PHF21B: variants seen among roughly 807,000 people sequenced by gnomAD.
The protein encoded by PHF21B is PHD finger protein 21B, also known as PHD finger protein 4.
Under a neutral mutation model 62.2 loss-of-function variants are expected in PHF21B, and 22 were observed. That is an observed-to-expected ratio of 0.35 (90% CI 0.25 to 0.51). PHF21B has a LOEUF of 0.51. Ranked by LOEUF, PHF21B falls within the 20% of genes least tolerant of loss-of-function variation. The pLI is 0.97. For synonymous variants in PHF21B, 341 were observed against 314.7 expected (o/e 1.08, Z -0.88); for missense variants, 701 against 707.9 (o/e 0.99, Z 0.11).
chr22:44,995,350 A>G (rs906954757), intron 2 of PHF21B, among the ~76,000 whole-genome samples: 7 of 152,092 alleles, frequency 4.6e-5, no homozygotes, highest in Non-Finnish European at 7.4e-5. Context: ...ATTCAAGTCC[A>G]CTCAGCAGAA....
At chr22:44,893,623 C>A in intron 6 of PHF21B, 90 bp from the exon 7 acceptor site, 1 of 1,271,806 alleles carries the variant, frequency 7.9e-7, no homozygotes, top group Non-Finnish European at 1.1e-6. Context: ...ACCACCATCC[C>A]CTCCTGCTCT....
At chr22:44,886,030 G>C in intron 10 of PHF21B, 92 bp from the exon 11 acceptor site, 5 of 1,229,854 alleles carry the variant, frequency 4.1e-6, no homozygotes, top group Non-Finnish European at 5.8e-6. Flanking sequence ...GAGGGGGCAC[G>C]CCCTGTCTGA....
In PHF21B at chr22:44,883,871, TAGAGAGGATTAAATG is replaced by T. The variant is rs554428711; in HGVS notation, c.1378-582_1378-568del. On this transcript the variant is annotated intron_variant, in intron 12 of 12. Coordinates refer to ENST00000313237, the MANE Select transcript of PHF21B (RefSeq NM_138415.5). Reference sequence around the variant, plus strand: ...ATCACAAAGCCTCTTCACAGCATTATAGAGAGGATTAAATGAGACACTGCATTTAAAGAGCTTCCC... The same window carrying T: ...ATCACAAAGCCTCTTCACAGCATTATAGACACTGCATTTAAAGAGCTTCCC... Among the ~76,000 whole-genome samples, 191 of 152,238 alleles carry T rather than the reference TAGAGAGGATTAAATG, an allele frequency of 1.3e-3. 1 individual carries two copies. The highest frequency in any genetic ancestry group is 4.5e-3 in the African/African-American group (185 of 41,536).
intron 2 of PHF21B, among the ~76,000 whole-genome samples, chr22:44,924,141 A>G (rs1032705342): frequency 2.0e-5 from 3 of 151,964 alleles, no homozygotes; most frequent in Non-Finnish European, 4.4e-5. Flanking sequence ...AACAACAACA[A>G]AAACAACTAC....
At chr22:44,914,532 T>C (rs2071401907) in intron 4 of PHF21B, among the ~76,000 whole-genome samples, 1 of 152,260 alleles carries the variant, frequency 6.6e-6, no homozygotes, top group African/African-American at 2.4e-5. Context: ...GACTTGCTCC[T>C]GGCCTGAGGC....
chr22:44,953,186 G>C (rs1359880000), intron 2 of PHF21B, among the ~76,000 whole-genome samples: 1 of 152,200 alleles, frequency 6.6e-6, no homozygotes, highest in Non-Finnish European at 1.5e-5. Flanking sequence ...GAGGCCCGCA[G>C]CTGGGGCAGA....
At chr22:44,963,674 C>T (rs541450215) in intron 2 of PHF21B, among the ~76,000 whole-genome samples, 1 of 152,300 alleles carries the variant, frequency 6.6e-6, no homozygotes, top group South Asian at 2.1e-4. Context: ...CCTGGCTGTA[C>T]GCTCCCAGGG....
At chr22:44,932,410 T>C (rs2071760444) in intron 2 of PHF21B, among the ~76,000 whole-genome samples, 1 of 152,162 alleles carries the variant, frequency 6.6e-6, no homozygotes, top group Admixed American at 6.5e-5. Flanking sequence ...ACCCCCAACC[T>C]GGGCCCTTGG....
At chr22:44,886,036 T>TGGGATAGTCCATC in intron 10 of PHF21B, 98 bp from the exon 11 acceptor site, 1 of 1,142,032 alleles carries the variant, frequency 8.8e-7, no homozygotes, top group Non-Finnish European at 1.3e-6. Context: ...GCACGCCCTG[T>TGGGATAGTCCATC]CTGAGCCACA....
chr22:44,946,115 G>A (rs2072064102), intron 2 of PHF21B, among the ~76,000 whole-genome samples: 2 of 152,188 alleles, frequency 1.3e-5, no homozygotes, highest in Admixed American at 6.5e-5. Context: ...GGGAAGCATG[G>A]GGGCTGGGAG....
chr22:44,914,476 T>C (rs1219011348), intron 4 of PHF21B, among the ~76,000 whole-genome samples: 1 of 152,142 alleles, frequency 6.6e-6, no homozygotes, highest in African/African-American at 2.4e-5. Context: ...GGCGAGGACT[T>C]CTCATCCCAG....
At chr22:44,996,570 G>C (rs2073125870) in intron 2 of PHF21B, among the ~76,000 whole-genome samples, 1 of 151,772 alleles carries the variant, frequency 6.6e-6, no homozygotes, top group African/African-American at 2.4e-5. Context: ...CAAAGGCTGA[G>C]GTCAGTCACA....
intron 2 of PHF21B, chr22:45,003,062 G>C (rs766416125): frequency 6.6e-6 from 1 of 152,240 alleles, no homozygotes; most frequent in Non-Finnish European, 1.5e-5. Context: ...GAAGTTCCTT[G>C]AAACTGTTCT....
chr22:45,008,270 T>C (rs893421795), intron 2 of PHF21B: 18 of 311,202 alleles, frequency 5.8e-5, no homozygotes, highest in African/African-American at 2.4e-4. Flanking sequence ...TCCAAAAACA[T>C]GTCCACCACC....
At chr22:44,990,356 C>T (rs1250805185) in intron 2 of PHF21B, among the ~76,000 whole-genome samples, 2 of 152,220 alleles carry the variant, frequency 1.3e-5, no homozygotes, top group Non-Finnish European at 2.9e-5. Flanking sequence ...AACATATTTG[C>T]ACACCCATGT....
intron 5 of PHF21B, among the ~76,000 whole-genome samples, chr22:44,903,107 T>C (rs2071190042): frequency 6.6e-6 from 1 of 152,180 alleles, no homozygotes; most frequent in South Asian, 2.1e-4. Flanking sequence ...CCAGGAGACA[T>C]ATTTTGCCTG....
chr22:44,903,487 G>A (rs1299842017), intron 5 of PHF21B, among the ~76,000 whole-genome samples: 1 of 151,698 alleles, frequency 6.6e-6, no homozygotes, highest in East Asian at 1.9e-4. Context: ...AAAAATTCTT[G>A]TTGCTATTAG....
At chr22:44,959,731 G>A (rs145423485) in intron 2 of PHF21B, among the ~76,000 whole-genome samples, 4 of 152,190 alleles carry the variant, frequency 2.6e-5, no homozygotes, top group Non-Finnish European at 5.9e-5. Context: ...TGGAGGAGCT[G>A]ATCACTGAAA....
chr22:44,919,298 G>A (rs1456043145), intron 3 of PHF21B, among the ~76,000 whole-genome samples: 5 of 152,186 alleles, frequency 3.3e-5, no homozygotes, highest in East Asian at 1.9e-4. Context: ...GGCTGCATGC[G>A]GCCCAGGATG....
Sources: gnomAD v4.1 joint callset for allele counts (sites outside exome capture counted in the v4.1 genomes callset) on GRCh38, gnomAD v4.1.1 for gene constraint, MANE v1.5 for transcripts, NCBI Gene and HGNC (gene_info 2026-07-23, HGNC 2026-07-21) for gene names.